PDE1A: variants seen among roughly 807,000 people sequenced by gnomAD.
The protein encoded by PDE1A is phosphodiesterase 1A.
Under a neutral mutation model 61.7 loss-of-function variants are expected in PDE1A, and 35 were observed. The ratio of observed to expected loss-of-function variants is 0.57; its 90% CI spans 0.43 to 0.75. The LOEUF is 0.75. Among genes scored for constraint, PDE1A ranks in the 30% least tolerant of loss-of-function variants. The pLI is 0.00. For synonymous variants in PDE1A, 232 were observed against 213.2 expected, an observed-to-expected ratio of 1.09 and a Z score of -0.77; for missense variants, 597 against 630.6, an observed-to-expected ratio of 0.95 and a Z score of 0.57.
At chr2:182,354,237 C>A (rs1699051169) in intron 1 of PDE1A, among the ~76,000 whole-genome samples, 2 of 152,232 alleles carry the variant, frequency 1.3e-5, no homozygotes, top group South Asian at 2.1e-4. Flanking sequence ...TACCATAATT[C>A]TCATCAGAAA....
the PDE1A span, among the ~76,000 whole-genome samples, chr2:182,678,435 A>G: frequency 5.9e-5 from 9 of 152,090 alleles, no homozygotes; most frequent in African/African-American, 2.2e-4. Context: ...GAAAAGAAAG[A>G]AAAGAAAGAA....
At chr2:182,477,599 G>A (rs1473165498) in intron 2 of PDE1A, among the ~76,000 whole-genome samples, 1 of 151,850 alleles carries the variant, frequency 6.6e-6, no homozygotes, top group Admixed American at 6.6e-5. Context: ...AGAAAACACA[G>A]CGTGTAGGGT....
At chr2:182,183,775 T>C (rs921803894) in intron 13 of PDE1A, among the ~76,000 whole-genome samples, 1 of 151,434 alleles carries the variant, frequency 6.6e-6, no homozygotes, top group South Asian at 2.1e-4. Context: ...ATGCTAACAA[T>C]GAATGAAAAT....
Position 182,477,782 on chromosome 2 carries a change from C to T in PDE1A, c.101+44494G>A, listed in dbSNP as rs557539362. On this transcript the variant is annotated intron_variant, in intron 2 of 14. Coordinates refer to the PDE1A transcript ENST00000410103. ...TTGCATAGTTACGGTAAACGACACA[C>T]GAACTCACTCAAAGTTTGAAAGCCC... 7.9e-5 allele frequency among the ~76,000 whole-genome samples: 12 copies of T among 152,016 alleles called. No homozygotes were observed. In the East Asian group the frequency reaches 9.7e-4, roughly 12 times the overall value.
At chr2:182,345,898 T>C (rs1478577396) in intron 1 of PDE1A, among the ~76,000 whole-genome samples, 1 of 152,220 alleles carries the variant, frequency 6.6e-6, no homozygotes, top group East Asian at 1.9e-4. Flanking sequence ...AATGTACTTA[T>C]TTATTACTTT....
At chr2:182,417,090 G>C (rs1702964935) in intron 1 of PDE1A, among the ~76,000 whole-genome samples, 2 of 152,162 alleles carry the variant, frequency 1.3e-5, no homozygotes, top group Admixed American at 6.5e-5. Flanking sequence ...AAACCAAACT[G>C]AGCCACGCAT....
At chr2:182,441,605 G>T (rs1219563820) in intron 2 of PDE1A, among the ~76,000 whole-genome samples, 1 of 151,922 alleles carries the variant, frequency 6.6e-6, no homozygotes, top group Non-Finnish European at 1.5e-5. Flanking sequence ...AGCACACCTA[G>T]CACTCAAATT....
At chr2:182,510,625 TAAGAA>T (rs1689721637) in intron 2 of PDE1A, among the ~76,000 whole-genome samples, 1 of 152,118 alleles carries the variant, frequency 6.6e-6, no homozygotes, top group Admixed American at 6.5e-5. Flanking sequence ...CAGGTTATAA[TAAGAA>T]AAGGCCTAAA....
At chr2:182,456,356 T>A (rs1685920661) in intron 2 of PDE1A, among the ~76,000 whole-genome samples, 1 of 152,046 alleles carries the variant, frequency 6.6e-6, no homozygotes. Flanking sequence ...AGTTTCAAAG[T>A]CACTGTATTG....
At chr2:182,618,684 C>T in the PDE1A span, among the ~76,000 whole-genome samples, 1 of 152,198 alleles carries the variant, frequency 6.6e-6, no homozygotes, top group African/African-American at 2.4e-5. Flanking sequence ...TTGCATTTCT[C>T]TCTTTTGTGT....
At chr2:182,661,389 G>A in the PDE1A span, among the ~76,000 whole-genome samples, 3 of 152,078 alleles carry the variant, frequency 2.0e-5, no homozygotes, top group Admixed American at 2.0e-4. Context: ...ATTATTCAGT[G>A]GGCACCTTCT....
chr2:182,564,888 T>G, the PDE1A span, among the ~76,000 whole-genome samples: 1 of 152,202 alleles, frequency 6.6e-6, no homozygotes, highest in Non-Finnish European at 1.5e-5. Flanking sequence ...TCTCGAGCCT[T>G]GGCTTTCAGC....
intron 2 of PDE1A, among the ~76,000 whole-genome samples, chr2:182,468,974 A>G (rs1200273646): frequency 6.6e-6 from 1 of 151,986 alleles, no homozygotes; most frequent in Non-Finnish European, 1.5e-5. Flanking sequence ...ACCTTGCTGT[A>G]AACAGATGTA....
the PDE1A span, among the ~76,000 whole-genome samples, chr2:182,562,720 C>T: frequency 5.3e-5 from 8 of 152,012 alleles, no homozygotes; most frequent in African/African-American, 1.9e-4. Context: ...TTGATTATTG[C>T]CACAATTTCA....
intron 1 of PDE1A, among the ~76,000 whole-genome samples, chr2:182,310,691 C>T (rs1414055146): frequency 6.6e-6 from 1 of 152,124 alleles, no homozygotes; most frequent in East Asian, 1.9e-4. Flanking sequence ...TTACCAGCTT[C>T]CTAAAGCCAA....
intron 1 of PDE1A, among the ~76,000 whole-genome samples, chr2:182,425,669 A>G (rs1386145407): frequency 6.6e-6 from 1 of 152,118 alleles, no homozygotes; most frequent in African/African-American, 2.4e-5. Context: ...CCACAGAGAA[A>G]TTTTGCTCAT....
chr2:182,649,269 A>T, the PDE1A span, among the ~76,000 whole-genome samples: 4 of 152,200 alleles, frequency 2.6e-5, no homozygotes, highest in African/African-American at 9.7e-5. Context: ...GTGCAACATA[A>T]GTTATTAGCA....
At chr2:182,535,075 AT>A in the PDE1A span, among the ~76,000 whole-genome samples, 24 of 151,688 alleles carry the variant, frequency 1.6e-4, no homozygotes, top group African/African-American at 5.6e-4. Context: ...TATCAAAAGT[AT>A]TTTTTTATAT....
At chr2:182,251,589 G>C (rs1187615249) in intron 2 of PDE1A, among the ~76,000 whole-genome samples, 1 of 152,164 alleles carries the variant, frequency 6.6e-6, no homozygotes, top group Admixed American at 6.5e-5. Context: ...AGCCCTTCAG[G>C]TGATTTCAAT....
Sources: gnomAD v4.1 joint callset for allele counts (sites outside exome capture counted in the v4.1 genomes callset) on GRCh38, gnomAD v4.1.1 for gene constraint, MANE v1.5 for transcripts, NCBI Gene and HGNC (gene_info 2026-07-23, HGNC 2026-07-21) for gene names.